The following CTSB variants were observed in gnomAD, a reference collection of about 807,000 sequenced individuals.
The protein encoded by CTSB is APP secretase.
Under a neutral mutation model 44.3 loss-of-function variants are expected in CTSB, and 57 were observed. That is an observed-to-expected ratio of 1.29 (90% CI 1.04 to 1.60). CTSB has a LOEUF of 1.60. CTSB is among the 40% of genes most tolerant of loss of function. The pLI is 0.00. For missense variants in CTSB, 768 were observed against 443.0 expected (o/e 1.73, Z -6.59); for synonymous variants, 320 against 168.0 (o/e 1.91, Z -7.00).
chr8:11,856,430 G>A (rs1379918691), intron 1 of CTSB, among the ~76,000 whole-genome samples: 2 of 152,094 alleles, frequency 1.3e-5, no homozygotes, highest in Non-Finnish European at 2.9e-5. Context: ...CCTGACTAAG[G>A]TGGTGAAACC....
rs768691054 is a variant in CTSB at position 11,847,116 on chromosome 8, G to T, written c.729C>A (p.Ile243=). The T allele has an allele frequency of 1.2e-6, 2 of 1,613,432 alleles. No homozygotes were observed. Among genetic ancestry groups the T allele is most frequent in the African/African-American group, 2.7e-5 (2 of 75,008 alleles). ...CTCCCTCCACGGGGCCGTTTTTGTA[G>T]ATCTCGGCCATGATGTCCTTCTCGC... ...SNSEKDIMAE[I]YKNGPVEGAF... Residue 243 remains isoleucine, a synonymous_variant, in exon 8 of 10, where the codon ATC becomes ATA. Transcript: ENST00000353047.
At chr8:11,849,197 C>A in intron 4 of CTSB, 33 bp from the exon 5 acceptor site, 1 of 1,581,328 alleles carries the variant, frequency 6.3e-7, no homozygotes, top group South Asian at 1.1e-5. Context: ...GTGAGGCTGC[C>A]ATGTCCGGGC....
chr8:11,863,637 G>A (rs1173517174), intron 1 of CTSB, among the ~76,000 whole-genome samples: 2 of 152,148 alleles, frequency 1.3e-5, no homozygotes, highest in African/African-American at 4.8e-5. Context: ...CACATGCTTA[G>A]CGTTCTAATA....
Position 11,847,764 on chromosome 8 carries a change from T to A in CTSB, c.591A>T (p.Pro197=), listed in dbSNP as rs894323936. ...CEHHVNGSRP[P]CTGEGDTPKC... Reference sequence around the variant, plus strand: ...TGGGGGTATCTCCCTCCCCCGTGCATGGGGGCCGGGAGCCGTTGACGTGGT... The same window carrying A: ...TGGGGGTATCTCCCTCCCCCGTGCAAGGGGGCCGGGAGCCGTTGACGTGGT... The change falls in exon 7 of 10, where the codon CCA becomes CCT. Residue 197 remains proline (P), a synonymous_variant. Transcript: ENST00000353047. 6.2e-7 allele frequency: 1 copy of A among 1,601,384 alleles called. No homozygotes were observed. The highest frequency in any genetic ancestry group is 8.5e-7 in the Non-Finnish European group (1 of 1,176,218).
Position 11,850,877 on chromosome 8 carries a change from C to A in CTSB, c.316G>T (p.Gly106Cys), listed in dbSNP as rs775769570. The A allele has an allele frequency of 1.2e-6, 2 of 1,612,578 alleles. No homozygotes were observed. Among genetic ancestry groups the A allele is most frequent in the South Asian group, 1.1e-5 (1 of 90,806 alleles). ...CAGCAGGGCCTTACCCAGCAGGAGC[C>A]ACAGGAGCCCTGGTCTCTGATCTCT... is the stretch of plus-strand genomic sequence containing the variant. ...IKEIRDQGSC[G>C]SCWAFGAVEA... Residue 106 changes from glycine (G) to cysteine (C), a missense_variant, in exon 4 of 10, where the codon GGC (glycine) becomes TGC (cysteine). Physicochemically the swap from Gly to Cys is radical, Grantham distance 159. Coordinates refer to ENST00000353047, the MANE Select transcript of CTSB (RefSeq NM_001908.5).
chr8:11,866,720 C>T (rs1179883737), intron 1 of CTSB, among the ~76,000 whole-genome samples: 3 of 152,094 alleles, frequency 2.0e-5, no homozygotes, highest in Admixed American at 2.0e-4. Context: ...ATTAGCTGGG[C>T]GTGGTGGCGG....
At chr8:11,847,906 A>G (rs1813739933) in intron 6 of CTSB, 84 bp from the exon 7 acceptor site, 3 of 1,456,916 alleles carry the variant, frequency 2.1e-6, no homozygotes, top group Non-Finnish European at 1.8e-6. Context: ...TGCCTGCAGC[A>G]TGGACGCCAG....
chr8:11,865,919 T>C (rs1479410861), intron 1 of CTSB, among the ~76,000 whole-genome samples: 1 of 143,164 alleles, frequency 7.0e-6, no homozygotes, highest in African/African-American at 2.6e-5. Flanking sequence ...GGAGGGAGGC[T>C]GAGACAGGAG....
At chr8:11,849,830 C>A (rs1017309646) in intron 4 of CTSB, among the ~76,000 whole-genome samples, 2 of 152,130 alleles carry the variant, frequency 1.3e-5, no homozygotes. Flanking sequence ...ATCCGCCTGC[C>A]TCAGCCTCCC....
rs56927740 is a variant in CTSB at position 11,842,936 on chromosome 8, CTTTTTTTTTTTTTTT to C, written c.*2174_*2188del. On this transcript the variant is annotated 3_prime_UTR_variant, in exon 10 of 10. Transcript: ENST00000353047. ...ACAGGCTTGAGCCACTGCGCCCGGCCTTTTTTTTTTTTTTTTTTTTTTTAATTATTGAGACGGAGC... is the reference window on the plus strand; with the variant it reads ...ACAGGCTTGAGCCACTGCGCCCGGCCTTTTTTTTAATTATTGAGACGGAGC... 1.1e-5 allele frequency: 1 copy of C among 90,836 alleles called. No homozygotes were observed. The highest frequency in any genetic ancestry group is 2.1e-5 in the Non-Finnish European group (1 of 48,550). The allele number at this position is 90,836 out of a possible 1,614,324, so 5.6% of individuals were successfully genotyped here. A position where few individuals can be genotyped will look rare whatever the true frequency, so the allele number is the denominator to read the frequency against.
At chr8:11,865,709 G>A (rs1817027466) in intron 1 of CTSB, 2 of 151,498 alleles carry the variant, frequency 1.3e-5, no homozygotes, top group Admixed American at 6.6e-5. Context: ...CTCATTACCA[G>A]ATTTAAGAAA....
intron 8 of CTSB, 64 bp from the exon 9 acceptor site, chr8:11,845,853 C>T: frequency 2.7e-6 from 4 of 1,504,324 alleles, no homozygotes; most frequent in Non-Finnish European, 3.6e-6. Context: ...ACAGCACCCC[C>T]CACACTCAGC....
At chr8:11,859,988 C>G (rs900459812) in intron 1 of CTSB, among the ~76,000 whole-genome samples, 2 of 151,666 alleles carry the variant, frequency 1.3e-5, no homozygotes, top group Non-Finnish European at 2.9e-5. Flanking sequence ...AGGAAAATTG[C>G]TTGAACCCAG....
At chr8:11,847,994 G>A (rs997064362) in intron 6 of CTSB, 73 bp downstream of exon 6, 24 of 1,405,950 alleles carry the variant, frequency 1.7e-5, no homozygotes, top group African/African-American at 1.3e-4. Flanking sequence ...GTTTATAAAG[G>A]CAAATAAAGC....
intron 1 of CTSB, among the ~76,000 whole-genome samples, chr8:11,855,431 T>C (rs1815344867): frequency 6.6e-6 from 1 of 152,202 alleles, no homozygotes; most frequent in African/African-American, 2.4e-5. Flanking sequence ...CCAAGGCAAG[T>C]GGATCACTTG....
intron 4 of CTSB, 49 bp from the exon 5 acceptor site, chr8:11,849,213 C>T (rs202040042): frequency 7.2e-6 from 11 of 1,517,480 alleles, no homozygotes; most frequent in Non-Finnish European, 1.0e-5. Context: ...CGGGCTGGGC[C>T]CTCTGCAGCA....
rs562323796 is a variant in CTSB at position 11,844,183 on chromosome 8, G to C, written c.*942C>G. ...TGGTTGAAAACATGGCTGGGGCAGC[G>C]AGAAGTTAAGATGAAGTCCCAAGAG... On this transcript the variant is annotated 3_prime_UTR_variant, in exon 10 of 10. Coordinates refer to ENST00000353047, the MANE Select transcript of CTSB (RefSeq NM_001908.5). 6.6e-6 allele frequency: 1 copy of C among 152,212 alleles called. No individual in the cohort carries two copies. Among genetic ancestry groups the C allele is most frequent in the Non-Finnish European group, 1.5e-5 (1 of 68,042 alleles). The allele number at this position is 152,212 out of a possible 1,614,324, so 9.4% of individuals were successfully genotyped here.
intron 4 of CTSB, 38 bp from the exon 5 acceptor site, chr8:11,849,202 C>G: frequency 6.4e-7 from 1 of 1,562,606 alleles, no homozygotes. Context: ...GCTGCCATGT[C>G]CGGGCTGGGC....
At chr8:11,860,325 T>G (rs367827871) in intron 1 of CTSB, among the ~76,000 whole-genome samples, 4 of 152,166 alleles carry the variant, frequency 2.6e-5, no homozygotes, top group East Asian at 1.9e-4. Context: ...TAGTCAGCTC[T>G]AAAGAATTGA....
Sources: allele counts gnomAD v4.1 joint callset (sites outside exome capture counted in the v4.1 genomes callset), GRCh38; gene constraint gnomAD v4.1.1; transcripts MANE v1.5; gene names NCBI Gene and HGNC (gene_info 2026-07-23, HGNC 2026-07-21).